The following MEIS1 variants were observed in gnomAD, a reference collection of about 807,000 sequenced individuals.
The protein encoded by MEIS1 is homeobox protein Meis1.
MEIS1 carries 5 observed loss-of-function variants against 50.8 expected under a neutral mutation model. The ratio of observed to expected loss-of-function variants is 0.10; its 90% CI spans 0.05 to 0.21. The LOEUF (loss-of-function observed/expected upper bound fraction) is 0.21. Ranked by LOEUF, MEIS1 falls within the 10% of genes least tolerant of loss-of-function variation. The probability of loss-of-function intolerance (pLI) is 1.00; values close to 1 mark genes in which losing one functional copy is unlikely to be tolerated. For synonymous variants in MEIS1, 176 were observed against 179.3 expected (o/e 0.98, Z 0.15); for missense variants, 318 against 517.3 (o/e 0.61, Z 3.74).
chr2:66,534,090 T>A (rs1674461211), intron 8 of MEIS1, among the ~76,000 whole-genome samples: 1 of 152,192 alleles, frequency 6.6e-6, no homozygotes, highest in Non-Finnish European at 1.5e-5. Context: ...GTTGTCTCAT[T>A]TGACCACCAC....
chr2:66,563,988 C>T (rs1486995757), intron 9 of MEIS1, among the ~76,000 whole-genome samples: 1 of 152,114 alleles, frequency 6.6e-6, no homozygotes, highest in Non-Finnish European at 1.5e-5. Context: ...ACATAGATGT[C>T]CATCATGACC....
At chr2:66,567,869 C>T in intron 10 of MEIS1, 1 of 502,508 alleles carries the variant, frequency 2.0e-6, no homozygotes, top group Non-Finnish European at 3.6e-6. Context: ...TGTGGAATTG[C>T]TGTAAACTTT....
intron 7 of MEIS1, among the ~76,000 whole-genome samples, chr2:66,500,000 A>G (rs531701174): frequency 2.0e-5 from 3 of 152,314 alleles, no homozygotes; most frequent in African/African-American, 7.2e-5. Context: ...CTTGTGTGCA[A>G]TGCCTTTTAG....
At chr2:66,444,408 T>C (rs1672077572) in intron 6 of MEIS1, among the ~76,000 whole-genome samples, 1 of 152,244 alleles carries the variant, frequency 6.6e-6, no homozygotes, top group Non-Finnish European at 1.5e-5. Context: ...CATCATCCTC[T>C]TAAAATACAT....
chr2:66,547,676 C>T (rs1291273097), intron 8 of MEIS1, among the ~76,000 whole-genome samples: 1 of 152,124 alleles, frequency 6.6e-6, no homozygotes, highest in African/African-American at 2.4e-5. Context: ...ACTAAACTTT[C>T]TGTGTTTGCA....
At chr2:66,435,960 T>A in intron 1 of MEIS1, 92 bp downstream of exon 1, 8 of 1,199,138 alleles carry the variant, frequency 6.7e-6, no homozygotes, top group Non-Finnish European at 9.1e-6. Context: ...TTTTTTTCTC[T>A]CTCTCTTTTA....
rs192728706 is a variant in MEIS1, at chr2:66,496,800, G to A, written c.743-15349G>A. On this transcript the variant is annotated intron_variant, in intron 7 of 12. Coordinates refer to ENST00000272369, the MANE Select transcript of MEIS1 (RefSeq NM_002398.3). ...TCCTTTATGTTTTGGAGGCACACTC[G>A]GGAACGTTCTCGTTTTTTTTTGTTT... Among the ~76,000 whole-genome samples, 193 of 152,204 alleles carry A rather than the reference G, an allele frequency of 1.3e-3. 3 individuals carry two copies. Among genetic ancestry groups the A allele is most frequent in the Non-Finnish European group, 2.2e-3 (148 of 68,010 alleles).
At chr2:66,555,112 C>T in intron 9 of MEIS1, among the ~76,000 whole-genome samples, 1 of 152,112 alleles carries the variant, frequency 6.6e-6, no homozygotes. Context: ...TTAGTGGATG[C>T]ATTAATAATC....
chr2:66,452,143 A>G (rs758307567), intron 6 of MEIS1, among the ~76,000 whole-genome samples: 6 of 151,912 alleles, frequency 3.9e-5, no homozygotes, highest in Non-Finnish European at 7.4e-5. Flanking sequence ...CATTTACTTG[A>G]AAGTTCCCAC....
intron 8 of MEIS1, among the ~76,000 whole-genome samples, chr2:66,524,619 A>G (rs1290674237): frequency 1.3e-5 from 2 of 152,170 alleles, no homozygotes; most frequent in African/African-American, 4.8e-5. Flanking sequence ...GTGATAAGTC[A>G]TATCATTGGA....
At chr2:66,466,233 T>C (rs1377685911) in intron 7 of MEIS1, among the ~76,000 whole-genome samples, 1 of 152,180 alleles carries the variant, frequency 6.6e-6, no homozygotes, top group African/African-American at 2.4e-5. Context: ...ATTACTTAAA[T>C]AAGGTTCTTC....
Position 66,442,366 on chromosome 2 carries a change from A to AT in MEIS1, c.484-527dup, listed in dbSNP as rs1160062231. ...AGTACTGGCAACTTGATTTCCTTCC[A>AT]TTTTTTTTTCAAAGAAAGTTTTCTA... On this transcript the variant is annotated intron_variant, in intron 5 of 12. Coordinates refer to ENST00000272369, the MANE Select transcript of MEIS1 (RefSeq NM_002398.3). Among the ~76,000 whole-genome samples, 19 of 145,212 alleles carry AT rather than the reference A, an allele frequency of 1.3e-4. No individual in the cohort carries two copies. The East Asian group carries it at 1.8e-3, about 14-fold the overall frequency.
intron 9 of MEIS1, among the ~76,000 whole-genome samples, chr2:66,558,297 A>AAAAAAAAG (rs1174137422): frequency 6.7e-5 from 10 of 148,860 alleles, no homozygotes; most frequent in Non-Finnish European, 1.0e-4. Flanking sequence ...AAAAAAAAAA[A>AAAAAAAAG]AAAAAAAGAA....
chr2:66,473,414 A>ATATATATATG (rs1270895401), intron 7 of MEIS1, among the ~76,000 whole-genome samples: 1 of 142,624 alleles, frequency 7.0e-6, no homozygotes, highest in African/African-American at 2.7e-5. Context: ...ATATATATAT[A>ATATATATATG]TATAGTAATA....
At chr2:66,522,209 C>T (rs1364793540) in intron 8 of MEIS1, among the ~76,000 whole-genome samples, 1 of 152,162 alleles carries the variant, frequency 6.6e-6, no homozygotes, top group African/African-American at 2.4e-5. Context: ...GGCTTAGCAT[C>T]ATTTATCTAA....
At chr2:66,451,796 T>C (rs894549825) in intron 6 of MEIS1, among the ~76,000 whole-genome samples, 2 of 151,962 alleles carry the variant, frequency 1.3e-5, no homozygotes, top group Non-Finnish European at 2.9e-5. Flanking sequence ...GGAGATACTT[T>C]AGAGGTGGAG....
At chr2:66,491,982 G>A (rs528076636) in intron 7 of MEIS1, among the ~76,000 whole-genome samples, 61 of 151,714 alleles carry the variant, frequency 4.0e-4, no homozygotes, top group African/African-American at 1.4e-3. Flanking sequence ...TATTTAATAA[G>A]GAATCTGTTA....
intron 9 of MEIS1, among the ~76,000 whole-genome samples, chr2:66,556,359 G>A (rs1180463382): frequency 6.6e-6 from 1 of 152,134 alleles, no homozygotes; most frequent in Non-Finnish European, 1.5e-5. Flanking sequence ...GTTGAAGAAG[G>A]GGAAAAGTAT....
At chr2:66,502,378 A>G (rs911105007) in intron 7 of MEIS1, among the ~76,000 whole-genome samples, 7 of 152,200 alleles carry the variant, frequency 4.6e-5, no homozygotes, top group Non-Finnish European at 1.5e-5. Flanking sequence ...AACAAATCCC[A>G]ATAGGAGCTG....
Sources: gnomAD v4.1 joint callset for allele counts (sites outside exome capture counted in the v4.1 genomes callset) on GRCh38, gnomAD v4.1.1 for gene constraint, MANE v1.5 for transcripts, NCBI Gene and HGNC (gene_info 2026-07-23, HGNC 2026-07-21) for gene names.